SDF4: variants seen among roughly 807,000 people sequenced by gnomAD.
SDF4 encodes 45 kDa calcium-binding protein.
Under a neutral mutation model 34.2 loss-of-function variants are expected in SDF4, and 22 were observed. The ratio of observed to expected loss-of-function variants is 0.64; its 90% confidence interval spans 0.46 to 0.92. SDF4 has a LOEUF of 0.92. Among genes scored for constraint, SDF4 ranks in the 40% least tolerant of loss-of-function variants. The pLI is 0.00. For missense variants in SDF4, 447 were observed against 499.9 expected, an observed-to-expected ratio of 0.89 and a Z score of 1.01; for synonymous variants, 236 against 203.1, an observed-to-expected ratio of 1.16 and a Z score of -1.38.
Position 1,228,656 on chromosome 1 carries a change from C to G in SDF4, c.117G>C (p.Glu39Asp). The G allele has an allele frequency of 1.2e-6, 2 of 1,613,204 alleles. No individual in the cohort carries two copies. Among genetic ancestry groups the G allele is most frequent in the Non-Finnish European group, 1.7e-6 (2 of 1,180,028 alleles). The change falls in exon 2 of 7, where the codon GAG becomes GAC. Residue 39 changes from glutamate (E) to aspartate (D), a missense_variant. Transcript: ENST00000360001. ...ARPANHSSTR[E>D]RVANREENEI... is the part of the protein sequence containing the mutation. ...CATTCTCCTCCCTGTTGGCTACTCT[C>G]TCTCGAGTGGACGAGTGGTTGGCAG...
At chr1:1,223,188 C>T (rs771324123) in intron 4 of SDF4, 56 bp downstream of exon 4, 20 of 1,182,676 alleles carry the variant, frequency 1.7e-5, no homozygotes, top group Middle Eastern at 2.0e-4. Flanking sequence ...ACACAACACA[C>T]GCGCGCACAC....
intron 4 of SDF4, chr1:1,219,933 C>A (rs1221166987): frequency 2.1e-6 from 2 of 954,212 alleles, no homozygotes; most frequent in Non-Finnish European, 2.4e-6. Context: ...GAACAACCTC[C>A]ATCTACACGA....
intron 1 of SDF4, among the ~76,000 whole-genome samples, chr1:1,229,402 G>A (rs971166480): frequency 3.3e-5 from 5 of 152,302 alleles, no homozygotes; most frequent in African/African-American, 4.8e-5. Context: ...TTGTAGAGAC[G>A]GGTCTCGCTG....
rs1394570796 is a variant in SDF4 at position 1,218,476 on chromosome 1, C to T, written c.873G>A (p.Val291=). 1 of 1,612,564 alleles carries T rather than the reference C, an allele frequency of 6.2e-7. No individual in the cohort carries two copies. Among genetic ancestry groups the T allele is most frequent in the Admixed American group, 1.7e-5 (1 of 60,022 alleles). Residue 291 remains valine, a synonymous_variant, in exon 6 of 7, where the codon GTG becomes GTA. Transcript: ENST00000360001. This position sits in a 1 kb window ranked among gnomAD's most constrained non-coding sequence, Gnocchi z 7.9. ...ELIDSNHDGI[V]TAEELESYMD... ...GGCTCACCTCCAGCTCCTCGGCGGTCACGATGCCGTCGTGGTTGGAGTCAA... is the reference window on the plus strand; with the variant it reads ...GGCTCACCTCCAGCTCCTCGGCGGTTACGATGCCGTCGTGGTTGGAGTCAA...
chr1:1,220,585 C>T (rs1367654494), intron 4 of SDF4: 2 of 1,285,436 alleles, frequency 1.6e-6, no homozygotes, highest in Non-Finnish European at 2.0e-6. Flanking sequence ...ACGGATCGGA[C>T]ACGGGTGGGC....
At chr1:1,220,267 C>T (rs2100970409) in intron 4 of SDF4, 1 of 1,050,752 alleles carries the variant, frequency 9.5e-7, no homozygotes, top group African/African-American at 1.7e-5. Context: ...ACTGCTGTCC[C>T]TGTGAGAAGA....
Position 1,231,926 on chromosome 1 carries a change from G to C in SDF4, c.-209C>G, listed in dbSNP as rs993921489. 1.3e-5 allele frequency: 2 copies of C among 152,206 alleles called. No individual in the cohort carries two copies. The highest frequency in any genetic ancestry group is 4.8e-5 in the African/African-American group (2 of 41,466). The allele number at this position is 152,206 out of a possible 1,614,324, so 9.4% of individuals were successfully genotyped here. A position where few individuals can be genotyped will look rare whatever the true frequency, so the allele number is the denominator to read the frequency against. ...TCCCCGCGCTCGGGATCCGAGGACCGGAGCGAAGCGTCAGTGACGCCGCCA... is the reference window on the plus strand; with the variant it reads ...TCCCCGCGCTCGGGATCCGAGGACCCGAGCGAAGCGTCAGTGACGCCGCCA... On this transcript the variant is annotated 5_prime_UTR_variant, in exon 1 of 7. Transcript: ENST00000360001.
At chr1:1,225,156 C>T (rs1174602394) in intron 2 of SDF4, among the ~76,000 whole-genome samples, 1 of 152,230 alleles carries the variant, frequency 6.6e-6, no homozygotes, top group Non-Finnish European at 1.5e-5. Flanking sequence ...AAGCCACAGG[C>T]TCCTACCCCT....
In SDF4 at chr1:1,217,733, G is replaced by A. The variant is rs12036216; in HGVS notation, c.892-45C>T. 0.11 allele frequency: 182,533 copies of A among 1,610,632 alleles called. 11,316 individuals carry two copies. The highest frequency in any genetic ancestry group is 0.26 in the East Asian group (11,622 of 44,646). On this transcript the variant is annotated intron_variant, in intron 6 of 6. Coordinates refer to ENST00000360001, the MANE Select transcript of SDF4 (RefSeq NM_016176.6). This position sits in a 1 kb window ranked among gnomAD's most constrained non-coding sequence, Gnocchi z 8.5. ...AGGTCAGCGTCGCCTTTCCCCCTCC[G>A]AGCTCCGCGGCCAGCCGCACGAAGT...
chr1:1,221,074 G>A (rs1649923905), intron 4 of SDF4: 1 of 294,546 alleles, frequency 3.4e-6, no homozygotes, highest in South Asian at 3.2e-5. Context: ...GGGCAACACA[G>A]GGAGATCCTC....
Position 1,217,879 on chromosome 1 carries a change from G to A in SDF4, c.892-191C>T, listed in dbSNP as rs1649623345. 1 of 1,440,864 alleles carries A rather than the reference G, an allele frequency of 6.9e-7. No individual in the cohort carries two copies. The highest frequency in any genetic ancestry group is 1.4e-5 in the African/African-American group (1 of 70,076). The allele number at this position is 1,440,864 out of a possible 1,614,324, so 89.3% of individuals were successfully genotyped here. ...AGAAGCCGGGGGCCCCGGAAGGCCT[G>A]CCCGGGGCCAGCAGGGGTAACGGGG... On this transcript the variant is annotated intron_variant, in intron 6 of 6. Transcript: ENST00000360001. This position sits in a 1 kb window ranked among gnomAD's most constrained non-coding sequence, Gnocchi z 8.5.
intron 2 of SDF4, among the ~76,000 whole-genome samples, chr1:1,227,497 C>T (rs1051533058): frequency 7.9e-5 from 12 of 152,128 alleles, no homozygotes; most frequent in East Asian, 1.9e-4. Context: ...CCAGGCCCTG[C>T]GGCGGGGGCT....
rs1176106281 is a variant in SDF4 at position 1,225,145 on chromosome 1, G to A, written c.306-1177C>T. On this transcript the variant is annotated intron_variant, in intron 2 of 6. Transcript: ENST00000360001. ...TCGGCTTCACCATTATGTCTTTGTG[G>A]AAGCCACAGGCTCCTACCCCTGCTG... 2.0e-5 allele frequency among the ~76,000 whole-genome samples: 3 copies of A among 152,176 alleles called. No homozygotes were observed. In the East Asian group the frequency reaches 5.8e-4, roughly 29 times the overall value.
At chr1:1,220,843 A>C (rs955694259) in intron 4 of SDF4, 22 of 1,014,454 alleles carry the variant, frequency 2.2e-5, no homozygotes, top group Non-Finnish European at 3.0e-5. Flanking sequence ...AACAGGCCGG[A>C]CCAACGGGAT....
rs1649702969 is a variant in SDF4 at position 1,218,810 on chromosome 1, C to A, written c.674G>T (p.Gly225Val). 6.2e-7 allele frequency: 1 copy of A among 1,608,472 alleles called. No individual in the cohort carries two copies. Among genetic ancestry groups the A allele is most frequent in the Admixed American group, 1.7e-5 (1 of 59,778 alleles). Reference sequence around the variant, plus strand: ...CTCCTTCACCATGAACCTGAGCATTCCCCGGCTGTGCTCGGGGTGGAGGAA... The same window carrying A: ...CTCCTTCACCATGAACCTGAGCATTACCCGGCTGTGCTCGGGGTGGAGGAA... Reference protein sequence around the residue: ...LSFLHPEHSRGMLRFMVKEIV... With the variant: ...LSFLHPEHSRVMLRFMVKEIV... The change falls in exon 5 of 7, where the codon GGA becomes GTA. Residue 225 changes from glycine (G) to valine (V), a missense_variant. Coordinates refer to ENST00000360001, the MANE Select transcript of SDF4 (RefSeq NM_016176.6). This position sits in a 1 kb window ranked among gnomAD's most constrained non-coding sequence, Gnocchi z 7.9.
intron 1 of SDF4, among the ~76,000 whole-genome samples, chr1:1,229,802 C>A (rs557938816): frequency 3.9e-5 from 6 of 152,212 alleles, no homozygotes; most frequent in Non-Finnish European, 7.3e-5. Context: ...CCCTCTCCCC[C>A]CGACTGACCA....
intron 1 of SDF4, 107 bp from the exon 2 acceptor site, chr1:1,229,053 G>A (rs1342124549): frequency 1.9e-5 from 10 of 524,226 alleles, no homozygotes; most frequent in Non-Finnish European, 3.4e-5. Flanking sequence ...ATCCAGACAT[G>A]TGGCATCGCC....
Position 1,228,871 on chromosome 1 carries a change from C to A in SDF4, c.-99G>T. On this transcript the variant is annotated 5_prime_UTR_variant, in exon 2 of 7. Coordinates refer to ENST00000360001, the MANE Select transcript of SDF4 (RefSeq NM_016176.6). ...AGAGGAGGAAGTGAGGTCCTGGCTC[C>A]AATCCAATCCCCGGGCACCACGGAG... 8.9e-7 allele frequency: 1 copy of A among 1,126,558 alleles called. No homozygotes were observed. The highest frequency in any genetic ancestry group is 1.2e-6 in the Non-Finnish European group (1 of 813,368). 69.8% of individuals were successfully genotyped at this position (1,126,558 alleles called of 1,614,324 possible).
chr1:1,226,232 G>C (rs919561357), intron 2 of SDF4, among the ~76,000 whole-genome samples: 2 of 152,226 alleles, frequency 1.3e-5, no homozygotes, highest in African/African-American at 4.8e-5. Context: ...GGGAAGGAAA[G>C]CCTGGAGCAT....
Sources: allele counts gnomAD v4.1 joint callset (sites outside exome capture counted in the v4.1 genomes callset), GRCh38; gene constraint gnomAD v4.1.1; non-coding constraint Gnocchi (gnomAD v3.1); transcripts MANE v1.5; gene names NCBI Gene and HGNC (gene_info 2026-07-23, HGNC 2026-07-21).